Variants in DLC1 observed in about 807,000 individuals in gnomAD.
DLC1 encodes DLC1 Rho GTPase activating protein, also known as rho GTPase-activating protein 7.
A neutral mutation model predicts 140.3 loss-of-function variants in DLC1; 54 were observed. That is an observed-to-expected ratio of 0.38 (90% confidence interval 0.31 to 0.48). The LOEUF is 0.48. DLC1 is among the 20% of genes least tolerant of loss of function. The pLI is 0.96. For missense variants in DLC1, 2,536 were observed against 1,907.0 expected (o/e 1.33, Z -6.14); for synonymous variants, 986 against 728.1 (o/e 1.35, Z -5.70).
chr8:13,415,706 T>G (rs1240237874), intron 2 of DLC1, among the ~76,000 whole-genome samples: 2 of 152,174 alleles, frequency 1.3e-5, no homozygotes, highest in Non-Finnish European at 2.9e-5. Context: ...GCTGATTTAA[T>G]TTTTATCTTA....
At chr8:13,456,471 A>G (rs1233537399) in intron 2 of DLC1, among the ~76,000 whole-genome samples, 3 of 147,282 alleles carry the variant, frequency 2.0e-5, no homozygotes, top group Admixed American at 1.3e-4. Context: ...TTTTATTTTT[A>G]TTTTTTGAGA....
intron 5 of DLC1, among the ~76,000 whole-genome samples, chr8:13,213,056 C>T (rs997541377): frequency 3.3e-5 from 5 of 152,236 alleles, no homozygotes; most frequent in Admixed American, 2.0e-4. Flanking sequence ...GAGTTGAAGA[C>T]AGATATTAAT....
chr8:13,585,457 C>G (rs1420717446), intron 1 of DLC1, among the ~76,000 whole-genome samples: 1 of 152,094 alleles, frequency 6.6e-6, no homozygotes, highest in Non-Finnish European at 1.5e-5. Flanking sequence ...GGCTATAGAA[C>G]AAACCACAGG....
chr8:13,459,591 G>T (rs58765019), intron 2 of DLC1, among the ~76,000 whole-genome samples: 9,713 of 152,156 alleles, frequency 0.064, 698 homozygotes, highest in African/African-American at 0.18. Flanking sequence ...GGCTGGGAGT[G>T]CACAGTGGTG....
intron 4 of DLC1, among the ~76,000 whole-genome samples, chr8:13,356,867 A>G (rs192979983): frequency 8.6e-5 from 13 of 151,110 alleles, no homozygotes; most frequent in Admixed American, 6.6e-4. Context: ...TTTATTATTT[A>G]TTTATTTATT....
chr8:13,389,267 A>T (rs1361517603), intron 4 of DLC1, among the ~76,000 whole-genome samples: 1 of 152,136 alleles, frequency 6.6e-6, no homozygotes, highest in African/African-American at 2.4e-5. Context: ...AGAGATTTTA[A>T]TGTTCAGCTT....
chr8:13,230,868 G>A (rs1189310214), intron 5 of DLC1, among the ~76,000 whole-genome samples: 1 of 151,942 alleles, frequency 6.6e-6, no homozygotes, highest in African/African-American at 2.4e-5. Context: ...AAGTGCTGGG[G>A]TTATAGGTGT....
chr8:13,542,083 AT>A (rs1433041194), intron 1 of DLC1, among the ~76,000 whole-genome samples: 1 of 152,114 alleles, frequency 6.6e-6, no homozygotes, highest in Non-Finnish European at 1.5e-5. Context: ...CCAGTTTAAC[AT>A]TTTTTATCTT....
At chr8:13,506,134 G>C (rs1002928027) in intron 1 of DLC1, among the ~76,000 whole-genome samples, 1 of 151,790 alleles carries the variant, frequency 6.6e-6, no homozygotes, top group Non-Finnish European at 1.5e-5. Flanking sequence ...GCAGTCCTTT[G>C]AGAATACATG....
At chr8:13,173,255 G>T (rs554944449) in intron 5 of DLC1, among the ~76,000 whole-genome samples, 1 of 152,076 alleles carries the variant, frequency 6.6e-6, no homozygotes, top group Non-Finnish European at 1.5e-5. Context: ...CAGAGCTCGC[G>T]TGGGGTGGGA....
chr8:13,549,215 C>G (rs572697649), intron 1 of DLC1, among the ~76,000 whole-genome samples: 17 of 152,120 alleles, frequency 1.1e-4, no homozygotes, highest in African/African-American at 3.9e-4. Flanking sequence ...GCAGTATTCA[C>G]TGCTGAATAA....
chr8:13,391,940 C>A (rs1350144267), intron 4 of DLC1, among the ~76,000 whole-genome samples: 1 of 150,718 alleles, frequency 6.6e-6, no homozygotes, highest in African/African-American at 2.4e-5. Context: ...ATTTTCAAAA[C>A]CTTCAAGTCA....
intron 4 of DLC1, among the ~76,000 whole-genome samples, chr8:13,321,743 A>G (rs1180383502): frequency 6.6e-6 from 1 of 152,078 alleles, no homozygotes; most frequent in African/African-American, 2.4e-5. Flanking sequence ...TCAATTTTCT[A>G]TCATTTTGTA....
intron 2 of DLC1, among the ~76,000 whole-genome samples, chr8:13,498,087 T>C (rs539707408): frequency 1.1e-4 from 16 of 152,206 alleles, no homozygotes; most frequent in Non-Finnish European, 2.1e-4. Context: ...AGAATTGCAG[T>C]TATGGATGAA....
chr8:13,453,553 T>C (rs545612773), intron 2 of DLC1, among the ~76,000 whole-genome samples: 1 of 38,410 alleles, frequency 2.6e-5, no homozygotes, highest in Admixed American at 2.7e-4. Flanking sequence ...TATATATATA[T>C]ATATTTTTTT....
chr8:13,513,527 A>G (rs79529100), intron 1 of DLC1, among the ~76,000 whole-genome samples: 5,637 of 152,166 alleles, frequency 0.037, 355 homozygotes, highest in African/African-American at 0.12. Flanking sequence ...ATAGCTCTCC[A>G]TCTTTCACTT....
intron 2 of DLC1, among the ~76,000 whole-genome samples, chr8:13,485,566 C>T (rs954429480): frequency 3.3e-5 from 5 of 152,206 alleles, no homozygotes; most frequent in African/African-American, 1.2e-4. Flanking sequence ...ATGCATCACT[C>T]ACTGTATCAA....
At chr8:13,545,946 A>G (rs559189737) in intron 1 of DLC1, among the ~76,000 whole-genome samples, 1 of 152,236 alleles carries the variant, frequency 6.6e-6, no homozygotes, top group African/African-American at 2.4e-5. Flanking sequence ...TTACTATTTT[A>G]AAGCCCACTG....
rs565023808 is a variant in DLC1 at position 13,174,794 on chromosome 8, T to C, written c.1349-59137A>G. 2.6e-5 allele frequency among the ~76,000 whole-genome samples: 4 copies of C among 152,310 alleles called. No homozygotes were observed. The Middle Eastern group carries it at 0.01, about 389-fold the overall frequency. ...TCAGATGCAGAGTTCAGGAATATTTTCTCCCATTCTGTAGGTTGTTTACTC... is the reference window on the plus strand; with the variant it reads ...TCAGATGCAGAGTTCAGGAATATTTCCTCCCATTCTGTAGGTTGTTTACTC... On this transcript the variant is annotated intron_variant, in intron 5 of 17. Transcript: ENST00000276297.
Sources: allele counts gnomAD v4.1 joint callset (sites outside exome capture counted in the v4.1 genomes callset), GRCh38; gene constraint gnomAD v4.1.1; transcripts MANE v1.5; gene names NCBI Gene and HGNC (gene_info 2026-07-23, HGNC 2026-07-21).